Variants in ADAMTSL3 observed in about 807,000 individuals in gnomAD.
ADAMTSL3 encodes ADAMTS-like protein 3.
A neutral mutation model predicts 201.7 loss-of-function variants in ADAMTSL3; 128 were observed. The ratio of observed to expected loss-of-function variants is 0.63; its 90% confidence interval spans 0.55 to 0.73. ADAMTSL3 has a LOEUF of 0.73. Among genes scored for constraint, ADAMTSL3 ranks in the 30% least tolerant of loss-of-function variants. The pLI is 0.00. For synonymous variants in ADAMTSL3, 738 were observed against 748.4 expected, an observed-to-expected ratio of 0.99 and a Z score of 0.23; for missense variants, 1,990 against 2,119.6, an observed-to-expected ratio of 0.94 and a Z score of 1.20.
intron 3 of ADAMTSL3, among the ~76,000 whole-genome samples, chr15:83,710,122 A>ATAATCC (rs1488872496): frequency 1.3e-5 from 2 of 152,198 alleles, no homozygotes; most frequent in African/African-American, 4.8e-5. Flanking sequence ...TTAACCAAGG[A>ATAATCC]TAATCCCACT....
intron 2 of ADAMTSL3, among the ~76,000 whole-genome samples, chr15:83,677,938 TTCTCTC>T (rs34231485): frequency 4.0e-5 from 6 of 149,572 alleles, no homozygotes; most frequent in African/African-American, 1.5e-4. Context: ...AGTTTTCATT[TTCTCTC>T]TCTCTCTCTC....
At chr15:83,910,635 CTTTTTT>C (rs3044681) in intron 15 of ADAMTSL3, among the ~76,000 whole-genome samples, 1 of 131,144 alleles carries the variant, frequency 7.6e-6, no homozygotes. Context: ...TTAGGTGAAC[CTTTTTT>C]TTTTTTTTTT....
intron 3 of ADAMTSL3, among the ~76,000 whole-genome samples, chr15:83,742,306 C>T (rs1388184695): frequency 6.6e-6 from 1 of 152,004 alleles, no homozygotes; most frequent in Non-Finnish European, 1.5e-5. Context: ...GAAAAATTTT[C>T]AAACAGCCTT....
intron 2 of ADAMTSL3, among the ~76,000 whole-genome samples, chr15:83,660,011 C>G (rs145640858): frequency 6.6e-6 from 1 of 152,260 alleles, no homozygotes; most frequent in Admixed American, 6.5e-5. Context: ...GTTTTAAGAC[C>G]TAAATTTGTG....
At chr15:83,883,985 C>T (rs902393826) in intron 9 of ADAMTSL3, among the ~76,000 whole-genome samples, 15 of 151,920 alleles carry the variant, frequency 9.9e-5, no homozygotes, top group South Asian at 4.2e-4. Flanking sequence ...CTCCGCCTCC[C>T]GGGTTCGAGC....
chr15:83,678,399 A>G lies in ADAMTSL3; in HGVS notation c.69+22569A>G, dbSNP rs72761827. Among the ~76,000 whole-genome samples, 622 of 127,526 alleles carry G rather than the reference A, an allele frequency of 4.9e-3. 3 individuals are homozygous for G. The highest frequency in any genetic ancestry group is 6.9e-3 in the Non-Finnish European group (427 of 61,796). The allele number at this position is 127,526 out of a possible 152,430, so 83.7% of individuals were successfully genotyped here. On this transcript the variant is annotated intron_variant, in intron 2 of 29. Transcript: ENST00000286744. ...GATTCCAGAAGGATATTTTTGCTGG[A>G]TATAGAATTATAGGCTAAGAGTTCC...
At position 83,746,973 on chromosome 15, in the gene ADAMTSL3, T is replaced by A. The variant is rs1361001575; in HGVS notation, c.190-26550T>A. Among the ~76,000 whole-genome samples, 3 of 152,214 alleles carry A rather than the reference T, an allele frequency of 2.0e-5. No homozygotes were observed. In the East Asian group the frequency reaches 5.8e-4, roughly 29 times the overall value. On this transcript the variant is annotated intron_variant, in intron 3 of 29. Coordinates refer to ENST00000286744, the MANE Select transcript of ADAMTSL3 (RefSeq NM_207517.3). ...ATATGGCAATAATATAAGGCAAAGC[T>A]TTGCTATGGATTTTCTATGGGGAGT...
At chr15:84,031,509 G>T in intron 28 of ADAMTSL3, 77 bp downstream of exon 28, 1 of 1,324,142 alleles carries the variant, frequency 7.6e-7, no homozygotes, top group Non-Finnish European at 1.1e-6. Context: ...CCTGAAAATG[G>T]AATCCTTTCT....
At chr15:83,831,746 C>G (rs1161526400) in intron 6 of ADAMTSL3, among the ~76,000 whole-genome samples, 1 of 152,060 alleles carries the variant, frequency 6.6e-6, no homozygotes, top group Non-Finnish European at 1.5e-5. Flanking sequence ...GCTTCCCCTC[C>G]CCACCTCAAA....
intron 26 of ADAMTSL3, among the ~76,000 whole-genome samples, chr15:84,022,056 A>G (rs2068215025): frequency 6.6e-6 from 1 of 152,210 alleles, no homozygotes; most frequent in Non-Finnish European, 1.5e-5. Context: ...TCTAAGCAAT[A>G]GGTAATACAA....
intron 28 of ADAMTSL3, among the ~76,000 whole-genome samples, chr15:84,033,944 CT>C (rs1046452301): frequency 6.6e-6 from 1 of 152,026 alleles, no homozygotes; most frequent in Non-Finnish European, 1.5e-5. Context: ...AAAGGGTAGA[CT>C]TTTTTTTAAT....
rs2065538356 is a variant in ADAMTSL3 at position 83,892,868 on chromosome 15, A to C, written c.1447A>C (p.Ile483Leu). Residue 483 changes from isoleucine (I) to leucine (L), a missense_variant, in exon 13 of 30, where the codon ATT becomes CTT. Transcript: ENST00000286744. ...TCNLFDCPKW[I>L]AMEWSQCTVT... ...TAATCTGTTTGATTGCCCCAAGTGGATTGCCATGGAGTGGTCTCAGGTAAG... is the reference window on the plus strand; with the variant it reads ...TAATCTGTTTGATTGCCCCAAGTGGCTTGCCATGGAGTGGTCTCAGGTAAG... The C allele has an allele frequency of 1.2e-6, 2 of 1,613,932 alleles. No individual in the cohort carries two copies. Among genetic ancestry groups the C allele is most frequent in the Admixed American group, 1.7e-5 (1 of 59,996 alleles).
intron 8 of ADAMTSL3, among the ~76,000 whole-genome samples, chr15:83,869,578 A>C (rs1321063760): frequency 6.6e-6 from 1 of 152,202 alleles, no homozygotes; most frequent in Non-Finnish European, 1.5e-5. Flanking sequence ...TGTCCAGGGC[A>C]CTTGAATTCC....
intron 8 of ADAMTSL3, among the ~76,000 whole-genome samples, chr15:83,866,611 G>T (rs1692822458): frequency 6.6e-6 from 1 of 152,104 alleles, no homozygotes; most frequent in African/African-American, 2.4e-5. Flanking sequence ...TCCTGTTGTG[G>T]GGTGGGGGGA....
chr15:83,752,094 A>G (rs1238331247), intron 3 of ADAMTSL3, among the ~76,000 whole-genome samples: 2 of 152,218 alleles, frequency 1.3e-5, no homozygotes. Flanking sequence ...AAGTGTTATG[A>G]AAACAACAAA....
At chr15:83,808,827 A>G (rs1204631486) in intron 5 of ADAMTSL3, among the ~76,000 whole-genome samples, 1 of 150,406 alleles carries the variant, frequency 6.6e-6, no homozygotes, top group Non-Finnish European at 1.5e-5. Flanking sequence ...CATTTGTGAC[A>G]TGGATGAATC....
chr15:84,023,137 G>A lies in ADAMTSL3; in HGVS notation c.4457+1544G>A, dbSNP rs370340250. Reference sequence around the variant, plus strand: ...TATTTTGCTCAATAATTTATTCCTAGCACTTAGCACAATGTCTGCTGCATC... The same window carrying A: ...TATTTTGCTCAATAATTTATTCCTAACACTTAGCACAATGTCTGCTGCATC... On this transcript the variant is annotated intron_variant, in intron 26 of 29. Coordinates refer to ENST00000286744, the MANE Select transcript of ADAMTSL3 (RefSeq NM_207517.3). Among the ~76,000 whole-genome samples the A allele has an allele frequency of 2.5e-4, 38 of 152,164 alleles. 1 individual carries two copies. The East Asian group carries it at 5.0e-3, about 20-fold the overall frequency.
chr15:83,771,152 ATC>A (rs2062975511), intron 3 of ADAMTSL3, among the ~76,000 whole-genome samples: 1 of 137,792 alleles, frequency 7.3e-6, no homozygotes, highest in Non-Finnish European at 1.5e-5. Flanking sequence ...CTTATACTTG[ATC>A]TGTTTCTGGA....
At chr15:84,020,879 G>A (rs1045439430) in intron 25 of ADAMTSL3, among the ~76,000 whole-genome samples, 2 of 152,248 alleles carry the variant, frequency 1.3e-5, no homozygotes, top group African/African-American at 4.8e-5. Context: ...TGCAGTCACA[G>A]GATCAATCTG....
Sources: allele counts gnomAD v4.1 joint callset (sites outside exome capture counted in the v4.1 genomes callset), GRCh38; gene constraint gnomAD v4.1.1; transcripts MANE v1.5; gene names NCBI Gene and HGNC (gene_info 2026-07-23, HGNC 2026-07-21).